PPP1R21: variants seen among roughly 807,000 people sequenced by gnomAD.
PPP1R21 encodes protein phosphatase 1 regulatory subunit 21, also known as KLRAQ motif containing 1.
In PPP1R21, 85 loss-of-function variants were observed where a neutral mutation model predicts 112.8. The observed-to-expected ratio is 0.75, with a 90% CI of 0.63 to 0.90. The LOEUF (loss-of-function observed/expected upper bound fraction) is 0.90. PPP1R21 is among the 40% of genes least tolerant of loss of function. The pLI, the probability that PPP1R21 is intolerant of heterozygous loss-of-function variation, is 0.00. For synonymous variants in PPP1R21, 381 were observed against 322.3 expected (o/e 1.18, Z -1.95); for missense variants, 1,199 against 901.5 (o/e 1.33, Z -4.23).
chr2:48,470,208 T>A (rs1668438564), intron 9 of PPP1R21, among the ~76,000 whole-genome samples: 1 of 152,166 alleles, frequency 6.6e-6, no homozygotes, highest in African/African-American at 2.4e-5. Flanking sequence ...ATATTAAGGT[T>A]ATCAGTGACA....
chr2:48,445,792 T>C (rs1479555651), intron 1 of PPP1R21, among the ~76,000 whole-genome samples: 1 of 151,988 alleles, frequency 6.6e-6, no homozygotes, highest in Non-Finnish European at 1.5e-5. Flanking sequence ...CCCTAGCTAC[T>C]GCTGCATAAT....
intron 2 of PPP1R21, among the ~76,000 whole-genome samples, chr2:48,451,822 C>T (rs899755849): frequency 4.6e-5 from 7 of 152,196 alleles, no homozygotes; most frequent in African/African-American, 1.4e-4. Context: ...ATTCCTCTTA[C>T]TTCTGTCTCT....
chr2:48,507,125 T>G (rs1301234560), intron 18 of PPP1R21, 144 bp from the exon 19 acceptor site: 1 of 1,216,150 alleles, frequency 8.2e-7, no homozygotes, highest in African/African-American at 1.6e-5. Flanking sequence ...TGTCTGAAGT[T>G]TCTTCGAGGG....
chr2:48,490,319 C>G (rs751942527), intron 14 of PPP1R21, among the ~76,000 whole-genome samples: 1 of 151,654 alleles, frequency 6.6e-6, no homozygotes, highest in Non-Finnish European at 1.5e-5. Flanking sequence ...TGATCATGAC[C>G]TACTATTACA....
At chr2:48,456,832 C>T (rs1471938150) in intron 3 of PPP1R21, among the ~76,000 whole-genome samples, 1 of 152,110 alleles carries the variant, frequency 6.6e-6, no homozygotes, top group African/African-American at 2.4e-5. Context: ...GCGGGCAGAT[C>T]AGGAGGTCAG....
At chr2:48,472,429 C>T (rs968029298) in intron 11 of PPP1R21, among the ~76,000 whole-genome samples, 2 of 151,198 alleles carry the variant, frequency 1.3e-5, no homozygotes, top group Non-Finnish European at 2.9e-5. Flanking sequence ...AGTTTCAGAT[C>T]AGCCTTGCCA....
chr2:48,496,760 C>A (rs146467309), intron 16 of PPP1R21, among the ~76,000 whole-genome samples: 31 of 152,336 alleles, frequency 2.0e-4, no homozygotes, highest in African/African-American at 7.0e-4. Flanking sequence ...AGCCATTGCG[C>A]CCAGTGGAGC....
In PPP1R21 at chr2:48,506,949, A is replaced by G. The variant is rs534772038; in HGVS notation, c.1969-320A>G. 7.1e-4 allele frequency among the ~76,000 whole-genome samples: 107 copies of G among 151,266 alleles called. 2 individuals are homozygous for G. The East Asian group carries it at 0.02, about 28-fold the overall frequency. ...GACGGAGTGAGACTCTGCCTCAAAA[A>G]AAAAAAAAAAAAAAAGTCAGTTTTG... On this transcript the variant is annotated intron_variant, in intron 18 of 21. Coordinates refer to ENST00000294952, the MANE Select transcript of PPP1R21 (RefSeq NM_001135629.3).
intron 9 of PPP1R21, among the ~76,000 whole-genome samples, chr2:48,469,936 C>G (rs1238558880): frequency 6.6e-6 from 1 of 152,010 alleles, no homozygotes; most frequent in African/African-American, 2.4e-5. Context: ...TTATACAGCT[C>G]TAAAGATTGA....
intron 14 of PPP1R21, among the ~76,000 whole-genome samples, chr2:48,487,594 C>T (rs1483902096): frequency 2.0e-5 from 3 of 151,728 alleles, no homozygotes; most frequent in Non-Finnish European, 4.4e-5. Context: ...AAGACCTCAT[C>T]CCTACAAAAT....
chr2:48,496,100 CTG>C (rs1669822555), intron 16 of PPP1R21, among the ~76,000 whole-genome samples: 1 of 151,944 alleles, frequency 6.6e-6, no homozygotes, highest in East Asian at 1.9e-4. Context: ...GCTAGTGACT[CTG>C]AGTTATTTTT....
intron 1 of PPP1R21, among the ~76,000 whole-genome samples, chr2:48,447,858 G>A (rs1224414312): frequency 6.6e-6 from 1 of 152,152 alleles, no homozygotes. Flanking sequence ...GCTGAGGCAG[G>A]AGAATCGCTT....
At chr2:48,469,426 TAGAGC>T (rs1668378623) in intron 9 of PPP1R21, among the ~76,000 whole-genome samples, 1 of 104,372 alleles carries the variant, frequency 9.6e-6, no homozygotes. Flanking sequence ...CATATATATA[TAGAGC>T]ATATATATAT....
In PPP1R21 at chr2:48,511,357, C is replaced by G. The variant is rs747979188; in HGVS notation, c.2202C>G (p.Thr734=). 4.1e-5 allele frequency: 66 copies of G among 1,613,384 alleles called. No individual in the cohort carries two copies. Among genetic ancestry groups the G allele is most frequent in the Admixed American group, 1.8e-4 (11 of 59,844 alleles). The part of the protein sequence containing the change: ...ISRLQDELTT[T]KRSYEDQLSM... Reference sequence around the variant, plus strand: ...CTATTTAGGATGAGCTGACAACTACCAAGAGGAGTTACGAGGATCAGTTAA... The same window carrying G: ...CTATTTAGGATGAGCTGACAACTACGAAGAGGAGTTACGAGGATCAGTTAA... The change falls in exon 21 of 22, where the codon ACC becomes ACG. Residue 734 remains threonine (T), a synonymous_variant. Coordinates refer to ENST00000294952, the MANE Select transcript of PPP1R21 (RefSeq NM_001135629.3).
intron 12 of PPP1R21, 135 bp downstream of exon 12, chr2:48,474,954 C>G (rs1005360563): frequency 5.7e-6 from 4 of 698,058 alleles, no homozygotes; most frequent in Non-Finnish European, 9.4e-6. Flanking sequence ...TTCAAATTCT[C>G]TAGCCCCTTA....
At position 48,440,989 on chromosome 2, in the gene PPP1R21, G is replaced by A. The variant is rs760367721; in HGVS notation, c.36G>A (p.Lys12=). The A allele has an allele frequency of 1.1e-5, 17 of 1,611,908 alleles. No individual in the cohort carries two copies. The highest frequency in any genetic ancestry group is 1.3e-5 in the African/African-American group (1 of 74,888). The change falls in exon 1 of 22, where the codon AAG becomes AAA. Residue 12 remains lysine, a synonymous_variant. Transcript: ENST00000294952. ...ASAELQGKYQ[K]LAQEYSKLRA... ...CTGAGTTGCAGGGGAAGTACCAGAA[G>A]CTGGCTCAGGAGTACTCGAAGGTAC...
intron 3 of PPP1R21, among the ~76,000 whole-genome samples, chr2:48,455,002 T>C (rs1179491692): frequency 1.3e-5 from 2 of 152,114 alleles, no homozygotes; most frequent in African/African-American, 4.8e-5. Flanking sequence ...CATGCCTGGC[T>C]AATTTTTGTA....
chr2:48,465,746 T>C (rs1298760288), intron 9 of PPP1R21, 104 bp downstream of exon 9: 3 of 972,188 alleles, frequency 3.1e-6, no homozygotes, highest in East Asian at 2.7e-5. Flanking sequence ...GCAAAGGACA[T>C]GGAAAAAACC....
At chr2:48,477,580 C>G (rs72872744) in intron 12 of PPP1R21, among the ~76,000 whole-genome samples, 16,429 of 151,778 alleles carry the variant, frequency 0.11, 980 homozygotes, top group Non-Finnish European at 0.14. Context: ...AGGTCTATTT[C>G]ATTGATCTGT....
Sources: gnomAD v4.1 joint callset for allele counts (sites outside exome capture counted in the v4.1 genomes callset) on GRCh38, gnomAD v4.1.1 for gene constraint, MANE v1.5 for transcripts, NCBI Gene and HGNC (gene_info 2026-07-23, HGNC 2026-07-21) for gene names.